Variants in CAST observed in about 807,000 individuals in gnomAD.
CAST encodes MIR583 host.
A neutral mutation model predicts 119.6 loss-of-function variants in CAST; 76 were observed. The observed-to-expected ratio is 0.64, with a 90% confidence interval of 0.53 to 0.77. CAST has a LOEUF of 0.77. CAST is among the 30% of genes least tolerant of loss of function. The pLI is 0.00. For synonymous variants in CAST, 319 were observed against 331.6 expected, an observed-to-expected ratio of 0.96 and a Z score of 0.41; for missense variants, 953 against 946.5, an observed-to-expected ratio of 1.01 and a Z score of -0.09.
At chr5:96,772,123 T>C (rs952999788) in intron 31 of CAST, 1 of 154,470 alleles carries the variant, frequency 6.5e-6, no homozygotes, top group African/African-American at 2.4e-5. Context: ...AAGTACCCTT[T>C]AGAGTCTGGT....
At chr5:96,222,607 A>G in the CAST span, among the ~76,000 whole-genome samples, 1 of 152,186 alleles carries the variant, frequency 6.6e-6, no homozygotes, top group African/African-American at 2.4e-5. Flanking sequence ...AATGATAAAA[A>G]TAATAGATGC....
At chr5:96,650,599 C>T (rs867918381) in intron 1 of CAST, among the ~76,000 whole-genome samples, 1 of 152,228 alleles carries the variant, frequency 6.6e-6, no homozygotes, top group African/African-American at 2.4e-5. Flanking sequence ...TAATGTGCTT[C>T]CTCCTAAAAA....
the CAST span, among the ~76,000 whole-genome samples, chr5:95,989,430 C>T: frequency 5.9e-5 from 9 of 152,224 alleles, no homozygotes; most frequent in Non-Finnish European, 1.3e-4. Flanking sequence ...AAAGTGCTGT[C>T]ATTTATTTTT....
the CAST span, among the ~76,000 whole-genome samples, chr5:96,097,138 G>T: frequency 6.6e-6 from 1 of 151,906 alleles, no homozygotes; most frequent in South Asian, 2.1e-4. Flanking sequence ...GATTTCCAAA[G>T]AAATGATTTA....
At chr5:96,258,171 C>T in the CAST span, among the ~76,000 whole-genome samples, 3 of 152,126 alleles carry the variant, frequency 2.0e-5, no homozygotes, top group African/African-American at 4.8e-5. Flanking sequence ...GCCATGACAT[C>T]GTAACTTTGG....
the CAST span, among the ~76,000 whole-genome samples, chr5:96,398,524 T>C: frequency 8.5e-5 from 13 of 152,356 alleles, no homozygotes; most frequent in South Asian, 1.9e-3. Flanking sequence ...GTTTCGGATA[T>C]ATCTGTGAGT....
upstream of CAST, among the ~76,000 whole-genome samples, chr5:96,522,504 A>G (rs1186303826): frequency 6.6e-6 from 1 of 152,176 alleles, no homozygotes; most frequent in Non-Finnish European, 1.5e-5. Flanking sequence ...TATTGGTAAA[A>G]TGAATGTTGC....
chr5:96,417,487 T>C, the CAST span, among the ~76,000 whole-genome samples: 17 of 152,068 alleles, frequency 1.1e-4, no homozygotes, highest in African/African-American at 3.6e-4. Flanking sequence ...ATGTAGATTA[T>C]AGGGAAGAAA....
At chr5:96,295,671 G>A in the CAST span, among the ~76,000 whole-genome samples, 1 of 152,072 alleles carries the variant, frequency 6.6e-6, no homozygotes, top group Non-Finnish European at 1.5e-5. Context: ...TATAACTGGG[G>A]ATTTATTTGA....
chr5:96,386,658 T>C, the CAST span, among the ~76,000 whole-genome samples: 18 of 152,328 alleles, frequency 1.2e-4, no homozygotes, highest in East Asian at 3.1e-3. Flanking sequence ...TTGCTGAATA[T>C]TTACTTTCTA....
chr5:96,299,225 A>C, the CAST span, among the ~76,000 whole-genome samples: 1 of 151,864 alleles, frequency 6.6e-6, no homozygotes, highest in African/African-American at 2.4e-5. Context: ...AGCCTGGGCA[A>C]CAAGAGCAAA....
the CAST span, among the ~76,000 whole-genome samples, chr5:96,108,224 C>G: frequency 1.4e-4 from 21 of 152,180 alleles, no homozygotes; most frequent in East Asian, 1.9e-4. Context: ...TCTCTCAGCT[C>G]GTCAAAGTCA....
the CAST span, among the ~76,000 whole-genome samples, chr5:96,272,571 G>A: frequency 2.6e-3 from 391 of 152,262 alleles, 1 homozygote; most frequent in Non-Finnish European, 4.3e-3. Context: ...AAGACAGAGA[G>A]TAGATAATGG....
At chr5:96,258,734 T>G in the CAST span, among the ~76,000 whole-genome samples, 3 of 152,354 alleles carry the variant, frequency 2.0e-5, no homozygotes, top group African/African-American at 7.2e-5. Flanking sequence ...AGCATAGATA[T>G]GATAAAATTG....
chr5:96,240,620 G>A, the CAST span, among the ~76,000 whole-genome samples: 1 of 151,982 alleles, frequency 6.6e-6, no homozygotes, highest in Non-Finnish European at 1.5e-5. Context: ...CTGGAGTGCA[G>A]TGGCATGATC....
the CAST span, among the ~76,000 whole-genome samples, chr5:96,195,425 G>A: frequency 9.9e-5 from 15 of 152,276 alleles, no homozygotes; most frequent in Non-Finnish European, 1.2e-4. Context: ...TGTTCAGTGA[G>A]CTCCCAGGAA....
At chr5:96,577,136 T>C (rs115292822) in intron 1 of CAST, among the ~76,000 whole-genome samples, 2,304 of 152,316 alleles carry the variant, frequency 0.015, 29 homozygotes, top group Non-Finnish European at 0.023. Flanking sequence ...TCCAGCTTCA[T>C]CCATGTCCCA....
At chr5:96,266,587 A>C in the CAST span, among the ~76,000 whole-genome samples, 2 of 152,152 alleles carry the variant, frequency 1.3e-5, no homozygotes, top group African/African-American at 4.8e-5. Context: ...ACTGAAGCAA[A>C]CCTGGGCTTG....
At chr5:96,236,295 G>A in the CAST span, among the ~76,000 whole-genome samples, 1 of 152,148 alleles carries the variant, frequency 6.6e-6, no homozygotes, top group Non-Finnish European at 1.5e-5. Context: ...CAGGAAAAAT[G>A]GCTGTCTTTG....
Sources: allele counts gnomAD v4.1 joint callset (sites outside exome capture counted in the v4.1 genomes callset), GRCh38; gene constraint gnomAD v4.1.1; transcripts MANE v1.5; gene names NCBI Gene and HGNC (gene_info 2026-07-23, HGNC 2026-07-21).